Variants in GFRA1 observed in about 807,000 individuals in gnomAD.
GFRA1 encodes GDNF family receptor alpha-1.
A neutral mutation model predicts 51.6 loss-of-function variants in GFRA1; 16 were observed. The observed-to-expected ratio is 0.31, with a 90% CI of 0.21 to 0.47. GFRA1 has a LOEUF of 0.47. GFRA1 is among the 20% of genes least tolerant of loss of function. The probability of loss-of-function intolerance (pLI) is 1.00; values close to 1 mark genes in which losing one functional copy is unlikely to be tolerated. For missense variants in GFRA1, 530 were observed against 594.3 expected, an observed-to-expected ratio of 0.89 and a Z score of 1.13; for synonymous variants, 270 against 241.3, an observed-to-expected ratio of 1.12 and a Z score of -1.10.
intron 8 of GFRA1, among the ~76,000 whole-genome samples, chr10:116,092,400 TTG>T (rs909632285): frequency 3.3e-5 from 5 of 151,890 alleles, no homozygotes; most frequent in Admixed American, 2.6e-4. Flanking sequence ...ACAAAAGCTT[TTG>T]TGTGTGTGTG....
chr10:116,065,172 G>C (rs981758345), intron 10 of GFRA1, among the ~76,000 whole-genome samples: 19 of 152,208 alleles, frequency 1.2e-4, no homozygotes, highest in African/African-American at 4.6e-4. Context: ...CTGTAAACTG[G>C]AGAGAGGAAT....
At position 116,093,945 on chromosome 10, in the gene GFRA1, A is replaced by G. The variant is rs967365563; in HGVS notation, c.881-109T>C. 45 of 1,032,052 alleles carry G rather than the reference A, an allele frequency of 4.4e-5. No individual in the cohort carries two copies. In the African/African-American group the frequency reaches 5.8e-4, roughly 13 times the overall value. 63.9% of individuals were successfully genotyped at this position (1,032,052 alleles called of 1,614,324 possible). A position where few individuals can be genotyped will look rare whatever the true frequency, so the allele number is the denominator to read the frequency against. On this transcript the variant is annotated intron_variant, in intron 7 of 10. Transcript: ENST00000355422. The stretch of plus-strand genomic sequence containing the variant: ...GCGGATGCACCGTGGATAATTACAG[A>G]CATTGTATTTGCTGAGTGGGAAATT...
chr10:116,260,139 G>A (rs545241134), intron 4 of GFRA1, among the ~76,000 whole-genome samples: 4 of 152,344 alleles, frequency 2.6e-5, no homozygotes, highest in African/African-American at 7.2e-5. Context: ...ATATGCTAAT[G>A]CGTGGATGGG....
chr10:116,173,916 A>G (rs536507722), intron 5 of GFRA1, among the ~76,000 whole-genome samples: 5 of 152,256 alleles, frequency 3.3e-5, no homozygotes, highest in South Asian at 4.1e-4. Flanking sequence ...CCCTGTCTCT[A>G]CTAAAAATAC....
intron 5 of GFRA1, among the ~76,000 whole-genome samples, chr10:116,133,087 T>C (rs1237632344): frequency 6.6e-6 from 1 of 151,918 alleles, no homozygotes; most frequent in Non-Finnish European, 1.5e-5. Flanking sequence ...TGGTAGAATG[T>C]CTGGGACGCT....
At chr10:116,146,692 A>C (rs576708154) in intron 5 of GFRA1, among the ~76,000 whole-genome samples, 5 of 152,308 alleles carry the variant, frequency 3.3e-5, no homozygotes, top group Admixed American at 2.6e-4. Flanking sequence ...GCTAAACCAA[A>C]GCCAAATGTA....
intron 4 of GFRA1, among the ~76,000 whole-genome samples, chr10:116,238,364 T>C (rs1338175179): frequency 6.6e-6 from 1 of 152,180 alleles, no homozygotes; most frequent in Admixed American, 6.5e-5. Flanking sequence ...AACTTTACCA[T>C]CTGCATTCAG....
At chr10:116,255,666 G>A in intron 4 of GFRA1, 1 of 1,287,342 alleles carries the variant, frequency 7.8e-7, no homozygotes, top group South Asian at 1.2e-5. Context: ...CCACATTCCG[G>A]TCTCTGCCAT....
At chr10:116,143,575 A>G (rs1222901701) in intron 5 of GFRA1, among the ~76,000 whole-genome samples, 1 of 152,136 alleles carries the variant, frequency 6.6e-6, no homozygotes, top group Non-Finnish European at 1.5e-5. Flanking sequence ...ATACGTTGCA[A>G]CTGCTACCTG....
intron 5 of GFRA1, among the ~76,000 whole-genome samples, chr10:116,159,868 C>T (rs971372733): frequency 6.6e-6 from 1 of 152,200 alleles, no homozygotes; most frequent in Non-Finnish European, 1.5e-5. Context: ...GTGAAGACCA[C>T]CTATCACTCC....
chr10:116,076,923 C>A (rs1955641945), intron 9 of GFRA1, among the ~76,000 whole-genome samples: 1 of 152,140 alleles, frequency 6.6e-6, no homozygotes, highest in African/African-American at 2.4e-5. Context: ...TGCCTTCTCC[C>A]AGATGCTATA....
intron 6 of GFRA1, among the ~76,000 whole-genome samples, chr10:116,102,081 C>T (rs774766225): frequency 2.6e-4 from 39 of 152,308 alleles, no homozygotes; most frequent in Admixed American, 9.8e-4. Context: ...GTCTCACATA[C>T]AAGACAGCTG....
chr10:116,233,875 CA>C (rs1966834440), intron 4 of GFRA1, among the ~76,000 whole-genome samples: 1 of 152,210 alleles, frequency 6.6e-6, no homozygotes, highest in South Asian at 2.1e-4. Flanking sequence ...TGATTTTCCT[CA>C]GACTCCACTG....
chr10:116,109,290 T>C (rs143842467), intron 6 of GFRA1, among the ~76,000 whole-genome samples: 1 of 152,282 alleles, frequency 6.6e-6, no homozygotes, highest in East Asian at 1.9e-4. Context: ...TTCCCTCTTT[T>C]CATTTTAGTT....
At chr10:116,136,334 G>C (rs1278147523) in intron 5 of GFRA1, among the ~76,000 whole-genome samples, 2 of 152,154 alleles carry the variant, frequency 1.3e-5, no homozygotes, top group Non-Finnish European at 2.9e-5. Context: ...ACAAACTGTA[G>C]CTCCACTAAT....
At chr10:116,176,726 C>CTCCTTCCTTCCT (rs66897810) in intron 5 of GFRA1, among the ~76,000 whole-genome samples, 1 of 130,528 alleles carries the variant, frequency 7.7e-6, no homozygotes, top group African/African-American at 2.9e-5. Flanking sequence ...CCCTCCCTCC[C>CTCCTTCCTTCCT]TCCTTCCTTC....
intron 5 of GFRA1, among the ~76,000 whole-genome samples, chr10:116,143,945 T>C (rs1484037437): frequency 1.3e-5 from 2 of 152,148 alleles, no homozygotes; most frequent in African/African-American, 4.8e-5. Flanking sequence ...TTGTCACTGC[T>C]CGGTTTGGTA....
chr10:116,125,748 C>T (rs180992134), intron 5 of GFRA1, among the ~76,000 whole-genome samples, 191 bp from the exon 6 acceptor site: 361 of 152,322 alleles, frequency 2.4e-3, no homozygotes, highest in African/African-American at 8.4e-3. Flanking sequence ...CAGGAGTCTA[C>T]GGCAGCACAA....
chr10:116,141,576 CT>C (rs528615047), intron 5 of GFRA1, among the ~76,000 whole-genome samples: 21 of 104,126 alleles, frequency 2.0e-4, no homozygotes, highest in African/African-American at 7.0e-4. Flanking sequence ...ATGTCCTCTT[CT>C]TTTTTTTGAG....
Sources: allele counts gnomAD v4.1 joint callset (sites outside exome capture counted in the v4.1 genomes callset), GRCh38; gene constraint gnomAD v4.1.1; transcripts MANE v1.5; gene names NCBI Gene and HGNC (gene_info 2026-07-23, HGNC 2026-07-21).